The following PLPP3 variants were observed in gnomAD, a reference collection of about 807,000 sequenced individuals.
The protein encoded by PLPP3 is PAP2 beta.
PLPP3 carries 6 observed loss-of-function variants against 29.6 expected under a neutral mutation model. That is an observed-to-expected ratio of 0.20 (90% CI 0.11 to 0.40). PLPP3 has a LOEUF of 0.40. Ranked by LOEUF, PLPP3 falls within the 10% of genes least tolerant of loss-of-function variation. The probability of loss-of-function intolerance (pLI) is 1.00; values close to 1 mark genes in which losing one functional copy is unlikely to be tolerated. For synonymous variants in PLPP3, 152 were observed against 159.7 expected (o/e 0.95, Z 0.36); for missense variants, 308 against 407.7 (o/e 0.76, Z 2.11).
At chr1:56,523,099 G>A (rs1213822074) in intron 4 of PLPP3, among the ~76,000 whole-genome samples, 1 of 152,120 alleles carries the variant, frequency 6.6e-6, no homozygotes, top group Non-Finnish European at 1.5e-5. Context: ...ATCCTCTCTG[G>A]GCCTTGGTCT....
At chr1:56,503,410 T>C (rs1180924332) in intron 5 of PLPP3, among the ~76,000 whole-genome samples, 1 of 152,192 alleles carries the variant, frequency 6.6e-6, no homozygotes, top group Non-Finnish European at 1.5e-5. Context: ...ATCCACCGGC[T>C]GGCCGCGGTG....
rs572565879 is a variant in PLPP3 at position 56,523,341 on chromosome 1, T to G, written c.633+482A>C. Among the ~76,000 whole-genome samples the G allele has an allele frequency of 3.9e-5, 6 of 152,268 alleles. No individual in the cohort carries two copies. In the South Asian group the frequency reaches 1.2e-3, roughly 32 times the overall value. ...AGCAACAGTCCTGCTGTTACGTACA[T>G]TTTGGCAGTTCACTTTAATTTTCTG... is the stretch of plus-strand genomic sequence containing the variant. On this transcript the variant is annotated intron_variant, in intron 4 of 5. Coordinates refer to ENST00000371250, the MANE Select transcript of PLPP3 (RefSeq NM_003713.5).
intron 1 of PLPP3, among the ~76,000 whole-genome samples, chr1:56,557,755 T>C (rs935673564): frequency 1.9e-4 from 29 of 152,188 alleles, no homozygotes; most frequent in African/African-American, 6.5e-4. Flanking sequence ...AGAGGAAAGA[T>C]AGCTTCTGAA....
intron 1 of PLPP3, among the ~76,000 whole-genome samples, chr1:56,563,540 C>T (rs1456278425): frequency 6.6e-6 from 1 of 152,188 alleles, no homozygotes; most frequent in Non-Finnish European, 1.5e-5. Flanking sequence ...TCTTCTAAGG[C>T]TCTACAGAAC....
intron 5 of PLPP3, among the ~76,000 whole-genome samples, chr1:56,497,268 T>C (rs1196041118): frequency 6.6e-6 from 1 of 152,238 alleles, no homozygotes; most frequent in Non-Finnish European, 1.5e-5. Flanking sequence ...ACAAATCTCG[T>C]ATCACTCATT....
At chr1:56,558,809 A>G (rs191290943) in intron 1 of PLPP3, among the ~76,000 whole-genome samples, 1 of 152,336 alleles carries the variant, frequency 6.6e-6, no homozygotes, top group East Asian at 1.9e-4. Flanking sequence ...CCTAAACTTC[A>G]AAACTTTGAT....
intron 1 of PLPP3, among the ~76,000 whole-genome samples, chr1:56,572,362 T>C (rs1646205901): frequency 6.6e-6 from 1 of 152,172 alleles, no homozygotes; most frequent in Admixed American, 6.5e-5. Flanking sequence ...GCTGTTCTTT[T>C]AGTTTGGTTT....
At position 56,524,097 on chromosome 1, in the gene PLPP3, C is replaced by T. The variant is rs1157586386; in HGVS notation, c.575+180G>A. ...AGAATGAATGAATGAATGTACCTAC[C>T]CATGCTATATCGGAAGTATTGATTT... is the stretch of plus-strand genomic sequence containing the variant. On this transcript the variant is annotated intron_variant, in intron 3 of 5. Transcript: ENST00000371250. The surrounding 1 kb of genome is among the most constrained non-coding windows in gnomAD (Gnocchi z 4.3). Among the ~76,000 whole-genome samples the T allele has an allele frequency of 6.6e-6, 1 of 152,180 alleles. No individual in the cohort carries two copies. The highest frequency in any genetic ancestry group is 6.5e-5 in the Admixed American group (1 of 15,276).
intron 2 of PLPP3, among the ~76,000 whole-genome samples, chr1:56,527,864 A>G (rs1163400300): frequency 6.6e-6 from 1 of 152,178 alleles, no homozygotes; most frequent in Non-Finnish European, 1.5e-5. Context: ...GTTCTCCGAC[A>G]CGTTACACAC....
intron 2 of PLPP3, among the ~76,000 whole-genome samples, chr1:56,527,037 G>T (rs750718533): frequency 1.3e-5 from 2 of 152,178 alleles, no homozygotes; most frequent in Non-Finnish European, 2.9e-5. Flanking sequence ...ATGCAAATTA[G>T]CATCTCTTTT....
chr1:56,497,917 A>G (rs1045712425), intron 5 of PLPP3, among the ~76,000 whole-genome samples: 1 of 152,194 alleles, frequency 6.6e-6, no homozygotes, highest in Non-Finnish European at 1.5e-5. Flanking sequence ...AAGAGAAGGG[A>G]ACTGGGTGGC....
intron 4 of PLPP3, chr1:56,512,907 T>C (rs1299585492): frequency 6.6e-6 from 1 of 152,126 alleles, no homozygotes; most frequent in Non-Finnish European, 1.5e-5. Context: ...TTTGTGTATT[T>C]CCCTGGGGAT....
At chr1:56,509,212 CACCCCTTTCCAAA>C (rs1399621639) in intron 5 of PLPP3, among the ~76,000 whole-genome samples, 1 of 152,138 alleles carries the variant, frequency 6.6e-6, no homozygotes, top group Non-Finnish European at 1.5e-5. Context: ...AGAGATTTAT[CACCCCTTTCCAAA>C]CCATCTTTAC....
At chr1:56,506,878 G>A (rs1423753337) in intron 5 of PLPP3, among the ~76,000 whole-genome samples, 4 of 152,160 alleles carry the variant, frequency 2.6e-5, no homozygotes, top group African/African-American at 7.2e-5. Context: ...GCACCTCATG[G>A]TCTATCTGGG....
At chr1:56,504,298 C>G (rs1001542889) in intron 5 of PLPP3, among the ~76,000 whole-genome samples, 9 of 152,144 alleles carry the variant, frequency 5.9e-5, no homozygotes, top group Non-Finnish European at 2.9e-5. Flanking sequence ...GACCCGCCCC[C>G]GCCCTTTAAA....
intron 5 of PLPP3, among the ~76,000 whole-genome samples, chr1:56,505,386 C>A (rs1645695576): frequency 6.6e-6 from 1 of 152,166 alleles, no homozygotes. Context: ...ACCTCTGCTT[C>A]GTCAGCTCAT....
At chr1:56,554,464 C>G (rs906811907) in intron 1 of PLPP3, among the ~76,000 whole-genome samples, 16 of 150,808 alleles carry the variant, frequency 1.1e-4, no homozygotes, top group African/African-American at 3.4e-4. Context: ...CCCAGCTACT[C>G]GGGAGGCTGA....
At chr1:56,503,942 C>T (rs1355994572) in intron 5 of PLPP3, among the ~76,000 whole-genome samples, 2 of 151,952 alleles carry the variant, frequency 1.3e-5, no homozygotes, top group Admixed American at 6.6e-5. Flanking sequence ...TGCACCTGGC[C>T]AATTTTTGTA....
chr1:56,521,741 TC>T (rs980320809), intron 4 of PLPP3, among the ~76,000 whole-genome samples: 6 of 152,108 alleles, frequency 3.9e-5, no homozygotes, highest in African/African-American at 1.4e-4. Context: ...CTTTCCTCTC[TC>T]CCTTTTCTCT....
Sources: allele counts gnomAD v4.1 joint callset (sites outside exome capture counted in the v4.1 genomes callset), GRCh38; gene constraint gnomAD v4.1.1; non-coding constraint Gnocchi (gnomAD v3.1); transcripts MANE v1.5; gene names NCBI Gene and HGNC (gene_info 2026-07-23, HGNC 2026-07-21).